The following ABCC12 variants were observed in gnomAD, a reference collection of about 807,000 sequenced individuals.
The protein encoded by ABCC12 is ATP binding cassette subfamily C member 12, also known as ATP-binding cassette sub-family C member 12.
In ABCC12, 142 loss-of-function variants were observed where a neutral mutation model predicts 151.1. The observed-to-expected ratio is 0.94, with a 90% CI of 0.82 to 1.08. The LOEUF (loss-of-function observed/expected upper bound fraction) is 1.08. Among genes scored for constraint, ABCC12 ranks in the 50% least tolerant of loss-of-function variants. The pLI, the probability that ABCC12 is intolerant of heterozygous loss-of-function variation, is 0.00. For synonymous variants in ABCC12, 645 were observed against 646.4 expected (o/e 1.00, Z 0.03); for missense variants, 1,638 against 1,691.1 (o/e 0.97, Z 0.55).
intron 7 of ABCC12, 35 bp downstream of exon 7, chr16:48,139,128 A>G (rs1296547067): frequency 1.3e-6 from 2 of 1,546,754 alleles, no homozygotes; most frequent in Non-Finnish European, 8.7e-7. Flanking sequence ...AAATGCAAAT[A>G]CAAAGCAGTT....
intron 10 of ABCC12, among the ~76,000 whole-genome samples, chr16:48,129,788 G>A (rs780476139): frequency 6.6e-5 from 10 of 152,312 alleles, no homozygotes; most frequent in Non-Finnish European, 1.0e-4. Flanking sequence ...GGGACAGAGC[G>A]AAGGTTGAGG....
rs1274939102 is a variant in ABCC12 at position 48,108,423 on chromosome 16, G to A, written c.2371+17C>T. 2 of 1,602,900 alleles carry A rather than the reference G, an allele frequency of 1.2e-6. No homozygotes were observed. Among genetic ancestry groups the A allele is most frequent in the Non-Finnish European group, 1.7e-6 (2 of 1,171,830 alleles). On this transcript the variant is annotated intron_variant, in intron 19 of 30. Coordinates refer to ENST00000311303, the MANE Select transcript of ABCC12 (RefSeq NM_001393797.1). The stretch of plus-strand genomic sequence containing the variant: ...AAATGCAAATTAAATCAAGAAACTT[G>A]TTGTTTTATACTGAACCTCCAGAAG...
At chr16:48,146,097 A>C (rs2150681503) in intron 3 of ABCC12, among the ~76,000 whole-genome samples, 1 of 152,322 alleles carries the variant, frequency 6.6e-6, no homozygotes, top group South Asian at 2.1e-4. Flanking sequence ...GCTCTCCTTA[A>C]ACCTGAGCTA....
chr16:48,085,897 T>C (rs1472474951), intron 28 of ABCC12, among the ~76,000 whole-genome samples, 191 bp from the exon 29 acceptor site: 3 of 152,094 alleles, frequency 2.0e-5, no homozygotes, highest in Admixed American at 6.5e-5. Flanking sequence ...TAGACGGACA[T>C]TAATAATTTA....
At position 48,085,624 on chromosome 16, in the gene ABCC12, CA is replaced by C; in HGVS notation, c.3796del (p.Cys1266ValfsTer44). On this transcript the variant is annotated frameshift_variant, in exon 29 of 31. Transcript: ENST00000311303. LOFTEE classifies it high-confidence loss of function. ...NFSVGERQLL[C>X]VARALLRNSK... ...ATTACGGAGAAGAGCTCGGGCCACA[CA>C]AAGCAGCTGACGTTCCCCTACTGAG... 1 of 1,614,162 alleles carries C rather than the reference CA, an allele frequency of 6.2e-7. No homozygotes were observed. Among genetic ancestry groups the C allele is most frequent in the African/African-American group, 1.3e-5 (1 of 75,038 alleles).
Position 48,105,344 on chromosome 16 carries a change from GA to G in ABCC12, c.2476-9del. 1 of 1,597,416 alleles carries G rather than the reference GA, an allele frequency of 6.3e-7. No homozygotes were observed. Among genetic ancestry groups the G allele is most frequent in the South Asian group, 1.1e-5 (1 of 89,420 alleles). Reference sequence around the variant, plus strand: ...CTGGGGCCCACAGGTCATCTTTGGAGAAAAACAAGAGAAGCACCAAGAATTG... The same window carrying G: ...CTGGGGCCCACAGGTCATCTTTGGAGAAAACAAGAGAAGCACCAAGAATTG... On this transcript the variant is annotated splice_polypyrimidine_tract_variant and intron_variant, in intron 20 of 30. Coordinates refer to ENST00000311303, the MANE Select transcript of ABCC12 (RefSeq NM_001393797.1).
At position 48,084,048 on chromosome 16, in the gene ABCC12, G is replaced by T; in HGVS notation, c.3854C>A (p.Ala1285Asp). 6.2e-7 allele frequency: 1 copy of T among 1,610,486 alleles called. No homozygotes were observed. Among genetic ancestry groups the T allele is most frequent in the Non-Finnish European group, 8.5e-7 (1 of 1,179,236 alleles). The change falls in exon 30 of 31, where the codon GCC (alanine) becomes GAC (aspartate). Residue 1285 changes from alanine (A) to aspartate (D), a missense_variant. Coordinates refer to ENST00000311303, the MANE Select transcript of ABCC12 (RefSeq NM_001393797.1). ...GGTGTCAGTCTTGGAGTCCATAGAG[G>T]CGGTGGCTTCATCAAGGAGAATGAT... is the stretch of plus-strand genomic sequence containing the variant. ...SKIILLDEAT[A>D]SMDSKTDTLV...
rs760323203 is a variant in ABCC12 at position 48,107,349 on chromosome 16, C to T, written c.2448G>A (p.Leu816=). 3 of 1,614,036 alleles carry T rather than the reference C, an allele frequency of 1.9e-6. No individual in the cohort carries two copies. Among genetic ancestry groups the T allele is most frequent in the Non-Finnish European group, 8.5e-7 (1 of 1,180,036 alleles). The change falls in exon 20 of 31, where the codon CTG becomes CTA. Residue 816 remains leucine, a synonymous_variant. Coordinates refer to ENST00000311303, the MANE Select transcript of ABCC12 (RefSeq NM_001393797.1). ...IGSAAFSNWW[L]GLWLDKGSRM... ...GTGAGCCCTTGTCCAACCAGAGACC[C>T]AGCCACCAGTTGCTGAAGGCAGCGC...
chr16:48,085,776 T>A (rs570075913), intron 28 of ABCC12, 70 bp from the exon 29 acceptor site: 1 of 1,251,604 alleles, frequency 8.0e-7, no homozygotes, highest in Non-Finnish European at 1.2e-6. Flanking sequence ...TCTGTATTGA[T>A]TGCCCCCTTC....
chr16:48,085,824 A>G lies in ABCC12; in HGVS notation c.3715-118T>C. On this transcript the variant is annotated intron_variant, in intron 28 of 30. Coordinates refer to ENST00000311303, the MANE Select transcript of ABCC12 (RefSeq NM_001393797.1). ...CAGCTTGCTTTATTTTACTGTGGCA[A>G]AGAAAGTGCAAAACAACAATCATTT... 3.8e-6 allele frequency: 3 copies of G among 786,636 alleles called. No homozygotes were observed. In the South Asian group the frequency reaches 4.8e-5, roughly 13 times the overall value. The allele number at this position is 786,636 out of a possible 1,614,324, so 48.7% of individuals were successfully genotyped here. A position where few individuals can be genotyped will look rare whatever the true frequency, so the allele number is the denominator to read the frequency against.
chr16:48,140,675 G>A lies in ABCC12; in HGVS notation c.657+12C>T. On this transcript the variant is annotated intron_variant, in intron 6 of 30. Coordinates refer to ENST00000311303, the MANE Select transcript of ABCC12 (RefSeq NM_001393797.1). ...CCATTTTCCAACATTAAACTCCTCT[G>A]AGCCAGCTTACCTCGCCAACAGAGA... is the stretch of plus-strand genomic sequence containing the variant. The A allele has an allele frequency of 6.2e-7, 1 of 1,612,602 alleles. No individual in the cohort carries two copies. The highest frequency in any genetic ancestry group is 8.5e-7 in the Non-Finnish European group (1 of 1,178,882).
At position 48,082,303 on chromosome 16, in the gene ABCC12, T is replaced by A. The variant is rs1181829988; in HGVS notation, c.*1412A>T. Among the ~76,000 whole-genome samples the A allele has an allele frequency of 6.6e-6, 1 of 152,116 alleles. No individual in the cohort carries two copies. The highest frequency in any genetic ancestry group is 1.5e-5 in the Non-Finnish European group (1 of 68,008). On this transcript the variant is annotated 3_prime_UTR_variant, in exon 31 of 31. Coordinates refer to ENST00000311303, the MANE Select transcript of ABCC12 (RefSeq NM_001393797.1). ...CTACCTAAGGCCAGGTGTGCTCACC[T>A]CCCCGCTGGTTGGGTAGACCCCTGC...
intron 9 of ABCC12, among the ~76,000 whole-genome samples, chr16:48,131,923 C>G (rs11646749): frequency 3.3e-5 from 5 of 152,208 alleles, no homozygotes; most frequent in Non-Finnish European, 7.4e-5. Flanking sequence ...AAGCCCAGGC[C>G]TGGCTGACAG....
chr16:48,104,392 A>G (rs2150605224), intron 21 of ABCC12, 24 bp from the exon 22 acceptor site: 1 of 1,607,894 alleles, frequency 6.2e-7, no homozygotes, highest in Middle Eastern at 1.7e-4. Context: ...TAGAGAGTCA[A>G]ACAGAGTCGA....
intron 11 of ABCC12, among the ~76,000 whole-genome samples, chr16:48,125,739 C>A (rs1340586942): frequency 6.6e-6 from 1 of 152,184 alleles, no homozygotes; most frequent in Non-Finnish European, 1.5e-5. Flanking sequence ...TTTTCCCACC[C>A]CAAGCTAGAC....
rs1470769243 is a variant in ABCC12 at position 48,083,771 on chromosome 16, C to A, written c.4024G>T (p.Ala1342Ser). Reference protein sequence around the residue: ...VIEFDKPEVLAEKPDSAFAML... With the variant: ...VIEFDKPEVLSEKPDSAFAML... The stretch of plus-strand genomic sequence containing the variant: ...GCAAATGCAGAATCTGGCTTCTCTG[C>A]AAGGACTTCAGGCTTGTCAAACTCA... Residue 1342 changes from alanine to serine, a missense_variant, in exon 31 of 31, where the codon GCA (alanine) becomes TCA (serine). Coordinates refer to ENST00000311303, the MANE Select transcript of ABCC12 (RefSeq NM_001393797.1). 5 of 1,614,112 alleles carry A rather than the reference C, an allele frequency of 3.1e-6. No individual in the cohort carries two copies. Among genetic ancestry groups the A allele is most frequent in the African/African-American group, 1.3e-5 (1 of 74,938 alleles).
At chr16:48,100,776 T>A in intron 23 of ABCC12, 96 bp downstream of exon 23, 1 of 1,442,600 alleles carries the variant, frequency 6.9e-7, no homozygotes, top group Admixed American at 2.2e-5. Flanking sequence ...CTGTGATCAG[T>A]CCCCAGCAGC....
intron 2 of ABCC12, chr16:48,146,724 A>C: frequency 3.6e-6 from 1 of 280,654 alleles, no homozygotes. Flanking sequence ...AAGAGCAGAA[A>C]ACCCTATGGT....
rs139889104 is a variant in ABCC12 at position 48,134,324 on chromosome 16, T to A, written c.980-489A>T. On this transcript the variant is annotated intron_variant, in intron 8 of 30. Coordinates refer to ENST00000311303, the MANE Select transcript of ABCC12 (RefSeq NM_001393797.1). ...TATGGAAACAAAGGAAAATCTTGAG[T>A]TCCTTCAAGGGAAATTCTAGGCACC... 3.1e-3 allele frequency among the ~76,000 whole-genome samples: 478 copies of A among 152,108 alleles called. 2 individuals carry two copies. The highest frequency in any genetic ancestry group is 0.011 in the African/African-American group (455 of 41,476).
Sources: gnomAD v4.1 joint callset for allele counts (sites outside exome capture counted in the v4.1 genomes callset) on GRCh38, gnomAD v4.1.1 for gene constraint, MANE v1.5 for transcripts, NCBI Gene and HGNC (gene_info 2026-07-23, HGNC 2026-07-21) for gene names.